WIPF1: variants seen among roughly 807,000 people sequenced by gnomAD.
The protein encoded by WIPF1 is WAS/WASL-interacting protein family member 1.
WIPF1 carries 13 observed loss-of-function variants against 35.4 expected under a neutral mutation model. That is an observed-to-expected ratio of 0.37 (90% confidence interval 0.24 to 0.58). The LOEUF (loss-of-function observed/expected upper bound fraction) is 0.58. Ranked by LOEUF, WIPF1 falls within the 20% of genes least tolerant of loss-of-function variation. The probability of loss-of-function intolerance (pLI) is 0.74; values close to 1 mark genes in which losing one functional copy is unlikely to be tolerated. For missense variants in WIPF1, 591 were observed against 667.0 expected (o/e 0.89, Z 1.25); for synonymous variants, 267 against 266.3 (o/e 1.00, Z -0.02).
rs1248661252 is a variant in WIPF1, at chr2:174,622,990, A to G, written c.-38-37379T>C. 6.6e-6 allele frequency among the ~76,000 whole-genome samples: 1 copy of G among 152,214 alleles called. No individual in the cohort carries two copies. Among genetic ancestry groups the G allele is most frequent in the African/African-American group, 2.4e-5 (1 of 41,454 alleles). On this transcript the variant is annotated intron_variant, in intron 1 of 8. Coordinates refer to the WIPF1 transcript ENST00000272746. This position sits in a 1 kb window ranked among gnomAD's most constrained non-coding sequence, Gnocchi z 5.1. ...TAAAGCCCAAAGACTTTAAGAAATA[A>G]GAGTTGGTAAATTTCAATGATGGGG...
chr2:174,612,479 T>C (rs1305468930), intron 1 of WIPF1, among the ~76,000 whole-genome samples: 1 of 152,204 alleles, frequency 6.6e-6, no homozygotes, highest in Non-Finnish European at 1.5e-5. Context: ...TTACAAATCC[T>C]ATTATAATTA....
In WIPF1 at chr2:174,571,690, G is replaced by A. The variant is rs775938044; in HGVS notation, c.1115C>T (p.Pro372Leu). 17 of 1,614,140 alleles carry A rather than the reference G, an allele frequency of 1.1e-5. No homozygotes were observed. Among genetic ancestry groups the A allele is most frequent in the Non-Finnish European group, 1.4e-5 (16 of 1,180,034 alleles). ...SERPPPPVRD[P>L]PGRSGPLPPP... ...TCTTGTCATACCTGATCGGCCTGGC[G>A]GGTCCCTCACTGGAGGTGGGGGTCT... The change falls in exon 5 of 8, where the codon CCG becomes CTG. Residue 372 changes from proline (P) to leucine (L), a missense_variant. Around this residue, in one of 3 missense-constraint regions of WIPF1, gnomAD observed 471 missense variants for 501.1 expected, o/e 0.94. Coordinates refer to ENST00000679041, the MANE Select transcript of WIPF1 (RefSeq NM_001375834.1). This position sits in a 1 kb window ranked among gnomAD's most constrained non-coding sequence, Gnocchi z 4.6.
intron 1 of WIPF1, among the ~76,000 whole-genome samples, chr2:174,669,939 C>T (rs571192248): frequency 3.9e-5 from 6 of 151,986 alleles, no homozygotes; most frequent in East Asian, 3.8e-4. Context: ...GAGAGGAGTG[C>T]GGAAGTGTTT....
chr2:174,629,539 G>A, intron 1 of WIPF1: 1 of 152,378 alleles, frequency 6.6e-6, no homozygotes. Context: ...GAGAGAAGGG[G>A]AAAAGAAGAG....
intron 6 of WIPF1, among the ~76,000 whole-genome samples, chr2:174,567,557 T>G (rs749496867): frequency 1.6e-4 from 24 of 152,186 alleles, no homozygotes; most frequent in Non-Finnish European, 2.2e-4. Context: ...ATGTACATAA[T>G]AAGAAGCTAT....
intron 7 of WIPF1, chr2:174,566,302 T>G (rs1012965706): frequency 3.9e-5 from 6 of 152,226 alleles, no homozygotes; most frequent in Admixed American, 3.3e-4. Context: ...TGTTATAAAA[T>G]TCCAGTTTGT....
intron 1 of WIPF1, among the ~76,000 whole-genome samples, chr2:174,607,860 G>T (rs13024525): frequency 6.6e-6 from 1 of 152,220 alleles, no homozygotes; most frequent in African/African-American, 2.4e-5. Flanking sequence ...TAATGCAGGT[G>T]CTTGAAAATA....
chr2:174,605,170 C>G (rs372677303), intron 1 of WIPF1, among the ~76,000 whole-genome samples: 37 of 152,322 alleles, frequency 2.4e-4, no homozygotes, highest in African/African-American at 8.7e-4. Context: ...CGCAGGGGCT[C>G]GCGCCTGTAA....
At chr2:174,649,340 G>A (rs1396856168) in intron 1 of WIPF1, among the ~76,000 whole-genome samples, 1 of 152,130 alleles carries the variant, frequency 6.6e-6, no homozygotes, top group Non-Finnish European at 1.5e-5. Flanking sequence ...TCCTTCTGGG[G>A]CTAGCCAACT....
intron 1 of WIPF1, among the ~76,000 whole-genome samples, chr2:174,611,379 A>C (rs1438739338): frequency 6.6e-6 from 1 of 152,178 alleles, no homozygotes; most frequent in Non-Finnish European, 1.5e-5. Context: ...AAAAACAAAA[A>C]CAAACAAACA....
intron 1 of WIPF1, among the ~76,000 whole-genome samples, chr2:174,624,347 G>T (rs1381539986): frequency 1.3e-5 from 2 of 152,188 alleles, no homozygotes; most frequent in Non-Finnish European, 2.9e-5. Flanking sequence ...AATCAAAGTT[G>T]TGTTTCTAGG....
intron 1 of WIPF1, among the ~76,000 whole-genome samples, chr2:174,652,806 AAC>A (rs1369272859): frequency 2.6e-5 from 4 of 151,888 alleles, no homozygotes; most frequent in African/African-American, 9.7e-5. Context: ...AAAAAAAAAA[AAC>A]AAAAAAAAAC....
intron 1 of WIPF1, among the ~76,000 whole-genome samples, chr2:174,667,533 G>T (rs1212933389): frequency 6.6e-6 from 1 of 152,154 alleles, no homozygotes. Flanking sequence ...CTCCAGTCTT[G>T]CCTGTGAGGA....
At chr2:174,682,870 C>G (rs1401056430) in exon 1 of WIPF1, 1 of 152,144 alleles carries the variant, frequency 6.6e-6, no homozygotes, top group Non-Finnish European at 1.5e-5. Flanking sequence ...GCCGGGCGGG[C>G]AGGAAAAGCG....
chr2:174,648,548 G>T (rs1687465613), intron 1 of WIPF1, among the ~76,000 whole-genome samples: 1 of 152,048 alleles, frequency 6.6e-6, no homozygotes, highest in African/African-American at 2.4e-5. Context: ...AGGAGTTAAT[G>T]GAATATTGCA....
chr2:174,606,432 T>C (rs1686167317), intron 1 of WIPF1, among the ~76,000 whole-genome samples: 1 of 152,226 alleles, frequency 6.6e-6, no homozygotes, highest in Admixed American at 6.5e-5. Flanking sequence ...TGGTGTTTAC[T>C]TTACTACTGG....
intron 1 of WIPF1, among the ~76,000 whole-genome samples, chr2:174,586,188 C>A (rs928248032): frequency 6.6e-6 from 1 of 152,124 alleles, no homozygotes; most frequent in Non-Finnish European, 1.5e-5. Context: ...GCAGCTGAGG[C>A]GGGGTGGACG....
rs780394408 is a variant in WIPF1 at position 174,562,522 on chromosome 2, T to C, written c.*25A>G. 8 of 1,614,116 alleles carry C rather than the reference T, an allele frequency of 5.0e-6. No individual in the cohort carries two copies. The South Asian group carries it at 8.8e-5, about 18-fold the overall frequency. ...ATAGCAACAGAAGCAGCTCTTGAGCTTGGGTAGAGAAGAGCAGGCAAAGAT... is the reference window on the plus strand; with the variant it reads ...ATAGCAACAGAAGCAGCTCTTGAGCCTGGGTAGAGAAGAGCAGGCAAAGAT... On this transcript the variant is annotated 3_prime_UTR_variant, in exon 8 of 8. Coordinates refer to ENST00000679041, the MANE Select transcript of WIPF1 (RefSeq NM_001375834.1).
intron 1 of WIPF1, among the ~76,000 whole-genome samples, chr2:174,632,888 T>C (rs1293977702): frequency 6.6e-6 from 1 of 152,072 alleles, no homozygotes; most frequent in African/African-American, 2.4e-5. Flanking sequence ...AAAGAAGAGC[T>C]CCTTCGAGGG....
Sources: gnomAD v4.1 joint callset for allele counts (sites outside exome capture counted in the v4.1 genomes callset) on GRCh38, gnomAD v4.1.1 for gene constraint, gnomAD v4.1.1 regional missense constraint, Gnocchi (gnomAD v3.1) non-coding constraint, MANE v1.5 for transcripts, NCBI Gene and HGNC (gene_info 2026-07-23, HGNC 2026-07-21) for gene names.